CSMD1: variants seen among roughly 807,000 people sequenced by gnomAD.
CSMD1 encodes the protein CUB and Sushi multiple domains 1.
A neutral mutation model predicts 417.5 loss-of-function variants in CSMD1; 213 were observed. The ratio of observed to expected loss-of-function variants is 0.51; its 90% CI spans 0.46 to 0.57. The LOEUF (loss-of-function observed/expected upper bound fraction) is 0.57. Ranked by LOEUF, CSMD1 falls within the 20% of genes least tolerant of loss-of-function variation. CSMD1 has a pLI of 0.00. For missense variants in CSMD1, 6,923 were observed against 4,529.7 expected, an observed-to-expected ratio of 1.53 and a Z score of -15.17; for synonymous variants, 2,862 against 1,736.8, an observed-to-expected ratio of 1.65 and a Z score of -16.11.
intron 7 of CSMD1, among the ~76,000 whole-genome samples, chr8:3,644,771 G>C (rs899689464): frequency 6.6e-6 from 1 of 151,874 alleles, no homozygotes; most frequent in Non-Finnish European, 1.5e-5. Context: ...AATCACAATC[G>C]CTTGTAGAAA....
At chr8:3,265,091 C>T (rs896368054) in intron 26 of CSMD1, among the ~76,000 whole-genome samples, 1 of 152,130 alleles carries the variant, frequency 6.6e-6, no homozygotes, top group African/African-American at 2.4e-5. Flanking sequence ...TGAATAGCTG[C>T]TCTTGTAGCT....
chr8:3,616,827 C>G, intron 7 of CSMD1, 30 bp from the exon 8 acceptor site: 1 of 1,483,340 alleles, frequency 6.7e-7, no homozygotes, highest in South Asian at 1.2e-5. Context: ...TGTCAAAATG[C>G]TGTATAGTTA....
chr8:4,243,681 G>C (rs1802534820), intron 3 of CSMD1, among the ~76,000 whole-genome samples: 1 of 151,866 alleles, frequency 6.6e-6, no homozygotes, highest in African/African-American at 2.4e-5. Flanking sequence ...CTTAATTTTT[G>C]ATTAAATTTC....
chr8:3,513,932 C>A (rs1378715307), intron 10 of CSMD1, among the ~76,000 whole-genome samples: 1 of 152,122 alleles, frequency 6.6e-6, no homozygotes, highest in Non-Finnish European at 1.5e-5. Context: ...AAGAAGGGGC[C>A]ATTAGAAGTG....
At chr8:4,074,918 G>T (rs1018620491) in intron 3 of CSMD1, among the ~76,000 whole-genome samples, 1 of 152,014 alleles carries the variant, frequency 6.6e-6, no homozygotes, top group Non-Finnish European at 1.5e-5. Context: ...CTCTGGATAA[G>T]GCACCACACT....
chr8:4,147,628 T>G (rs990691180), intron 3 of CSMD1, among the ~76,000 whole-genome samples: 2 of 152,092 alleles, frequency 1.3e-5, no homozygotes, highest in Admixed American at 6.5e-5. Flanking sequence ...ACATGTGGCA[T>G]GTAGTGCATG....
In CSMD1 at chr8:3,141,140, G is replaced by T. The variant is rs148805953; in HGVS notation, c.6241+1325C>A. 2.9e-3 allele frequency among the ~76,000 whole-genome samples: 442 copies of T among 152,318 alleles called. 4 individuals carry two copies. The highest frequency in any genetic ancestry group is 0.02 in the Middle Eastern group (6 of 294). On this transcript the variant is annotated intron_variant, in intron 41 of 69. Transcript: ENST00000635120. ...AGCTACATGATGATGAGACTCCCCA[G>T]TTGAGCACACAGTTGACTACGGCCA...
chr8:4,614,584 G>A (rs912677442), intron 2 of CSMD1, among the ~76,000 whole-genome samples: 1 of 151,924 alleles, frequency 6.6e-6, no homozygotes, highest in Non-Finnish European at 1.5e-5. Context: ...TAGAACACAG[G>A]AACAACCAGA....
At position 4,621,440 on chromosome 8, in the gene CSMD1, C is replaced by T. The variant is rs977902387; in HGVS notation, c.302+15902G>A. 3.9e-5 allele frequency among the ~76,000 whole-genome samples: 6 copies of T among 152,054 alleles called. 1 individual carries two copies. The highest frequency in any genetic ancestry group is 8.8e-5 in the Non-Finnish European group (6 of 67,974). ...ACCTGCATTAATAACTGTACCTACACATTTAAAAAGCAGAGATCAAGTGGA... is the reference window on the plus strand; with the variant it reads ...ACCTGCATTAATAACTGTACCTACATATTTAAAAAGCAGAGATCAAGTGGA... On this transcript the variant is annotated intron_variant, in intron 2 of 69. Coordinates refer to ENST00000635120, the MANE Select transcript of CSMD1 (RefSeq NM_033225.6).
chr8:4,717,001 C>A (rs962028262), intron 1 of CSMD1, among the ~76,000 whole-genome samples: 4 of 151,852 alleles, frequency 2.6e-5, no homozygotes, highest in African/African-American at 9.7e-5. Flanking sequence ...GTATAGAAGC[C>A]TGGGTTGATG....
rs991521165 is a variant in CSMD1, at chr8:3,348,012, A to G, written c.3454T>C (p.Phe1152Leu). The G allele has an allele frequency of 1.2e-6, 2 of 1,601,506 alleles. No homozygotes were observed. Among genetic ancestry groups the G allele is most frequent in the Non-Finnish European group, 8.5e-7 (1 of 1,174,014 alleles). The change falls in exon 22 of 70, where the codon TTT (phenylalanine) becomes CTT (leucine). Residue 1152 changes from phenylalanine to leucine, a missense_variant. Phe to Leu is a conservative substitution (Grantham distance 22, BLOSUM62 0). Coordinates refer to ENST00000635120, the MANE Select transcript of CSMD1 (RefSeq NM_033225.6). The part of the protein sequence containing the change: ...IHLRTRSFQL[F>L]EGDTLKVYDG... ...TTTACCTTTAGAGTATCTCCTTCAA[A>G]CAGCTGGAAGCTTCGTGTTCTAAGG... is the stretch of plus-strand genomic sequence containing the variant.
intron 10 of CSMD1, among the ~76,000 whole-genome samples, chr8:3,557,498 C>A (rs368803906): frequency 6.6e-6 from 1 of 151,780 alleles, no homozygotes; most frequent in East Asian, 1.9e-4. Flanking sequence ...CAACATGTCT[C>A]ATTATGCACC....
intron 1 of CSMD1, among the ~76,000 whole-genome samples, chr8:4,875,168 A>G (rs1320972836): frequency 6.6e-6 from 1 of 151,914 alleles, no homozygotes; most frequent in African/African-American, 2.4e-5. Context: ...ACAAATCTTG[A>G]AAGATTCGTG....
chr8:4,805,091 G>A (rs994618553), intron 1 of CSMD1, among the ~76,000 whole-genome samples: 27 of 152,224 alleles, frequency 1.8e-4, no homozygotes, highest in African/African-American at 6.3e-4. Flanking sequence ...GTATCCAACT[G>A]ATAATATAAT....
At chr8:3,363,893 G>GA (rs1345409459) in intron 20 of CSMD1, among the ~76,000 whole-genome samples, 1 of 152,148 alleles carries the variant, frequency 6.6e-6, no homozygotes, top group Non-Finnish European at 1.5e-5. Context: ...GTAGAATGGG[G>GA]ATTGTGCAGG....
At chr8:3,565,492 A>C (rs1799666904) in intron 10 of CSMD1, among the ~76,000 whole-genome samples, 1 of 152,208 alleles carries the variant, frequency 6.6e-6, no homozygotes, top group Non-Finnish European at 1.5e-5. Context: ...TATCTATTCC[A>C]ATCACATTTC....
intron 17 of CSMD1, among the ~76,000 whole-genome samples, chr8:3,392,873 C>G (rs545276266): frequency 6.6e-6 from 1 of 152,200 alleles, no homozygotes; most frequent in East Asian, 1.9e-4. Flanking sequence ...AAATAGCAAC[C>G]AGAACATCTG....
At chr8:4,125,034 C>A (rs1184965768) in intron 3 of CSMD1, among the ~76,000 whole-genome samples, 1 of 152,062 alleles carries the variant, frequency 6.6e-6, no homozygotes, top group African/African-American at 2.4e-5. Context: ...TTGGGGTCCG[C>A]ACGTTTCTCT....
Position 4,155,239 on chromosome 8 carries a change from G to C in CSMD1, c.416-123140C>G, listed in dbSNP as rs1006440524. On this transcript the variant is annotated intron_variant, in intron 3 of 69. Coordinates refer to ENST00000635120, the MANE Select transcript of CSMD1 (RefSeq NM_033225.6). The stretch of plus-strand genomic sequence containing the variant: ...CAGATGACTGGGTCACGCAAATGTT[G>C]AAAAGGGGCAGCAGAGAGGTGAATA... Among the ~76,000 whole-genome samples, 5 of 152,192 alleles carry C rather than the reference G, an allele frequency of 3.3e-5. No homozygotes were observed. In the East Asian group the frequency reaches 9.6e-4, roughly 29 times the overall value.
Sources: gnomAD v4.1 joint callset for allele counts (sites outside exome capture counted in the v4.1 genomes callset) on GRCh38, gnomAD v4.1.1 for gene constraint, MANE v1.5 for transcripts, NCBI Gene and HGNC (gene_info 2026-07-23, HGNC 2026-07-21) for gene names.